Variants in PCDHGA8 observed in about 807,000 individuals in gnomAD.
PCDHGA8 encodes protocadherin gamma-A8.
In PCDHGA8, 45 loss-of-function variants were observed where a neutral mutation model predicts 59.2. The observed-to-expected ratio is 0.76, with a 90% CI of 0.60 to 0.98. PCDHGA8 has a LOEUF of 0.98. Ranked by LOEUF, PCDHGA8 falls within the 50% of genes least tolerant of loss-of-function variation. PCDHGA8 has a pLI of 0.00. For synonymous variants in PCDHGA8, 531 were observed against 519.0 expected (o/e 1.02, Z -0.32); for missense variants, 1,257 against 1,196.2 (o/e 1.05, Z -0.75).
chr5:141,457,417 CTTTT>C (rs894846890), intron 1 of PCDHGA8, among the ~76,000 whole-genome samples: 4 of 152,180 alleles, frequency 2.6e-5, no homozygotes, highest in Admixed American at 2.6e-4. Context: ...TTACCCATCC[CTTTT>C]TCCCCCCCAC....
chr5:141,498,725 A>AGT (rs2099785409), intron 2 of PCDHGA8, among the ~76,000 whole-genome samples: 1 of 152,150 alleles, frequency 6.6e-6, no homozygotes, highest in Non-Finnish European at 1.5e-5. Flanking sequence ...TGAGGTCAGG[A>AGT]GTTTGAGACC....
intron 1 of PCDHGA8, chr5:141,404,730 C>G: frequency 6.2e-7 from 1 of 1,613,984 alleles, no homozygotes; most frequent in East Asian, 2.2e-5. Context: ...AAGGTGGTGG[C>G]AGTGGACAGA....
intron 1 of PCDHGA8, chr5:141,400,300 C>T: frequency 6.2e-7 from 1 of 1,614,084 alleles, no homozygotes; most frequent in Non-Finnish European, 8.5e-7. Context: ...CTGCTTCCAA[C>T]CTGGTCTCTG....
At chr5:141,469,374 A>G (rs1270202528) in intron 1 of PCDHGA8, among the ~76,000 whole-genome samples, 1 of 152,076 alleles carries the variant, frequency 6.6e-6, no homozygotes, top group Non-Finnish European at 1.5e-5. Flanking sequence ...AAAGAGATCG[A>G]GACCATCCTG....
At chr5:141,405,093 T>C in intron 1 of PCDHGA8, 1 of 1,613,946 alleles carries the variant, frequency 6.2e-7, no homozygotes, top group Non-Finnish European at 8.5e-7. Flanking sequence ...CTGCTGGCCC[T>C]CAGGCTGAGG....
chr5:141,440,035 C>T, intron 1 of PCDHGA8: 1 of 153,140 alleles, frequency 6.5e-6, no homozygotes, highest in East Asian at 1.9e-4. Flanking sequence ...GTGTCGAGGA[C>T]ATGCCCACTT....
At position 141,418,594 on chromosome 5, in the gene PCDHGA8, C is replaced by G. The variant is rs775489120; in HGVS notation, c.2424+23357C>G. 2.9e-5 allele frequency: 47 copies of G among 1,613,904 alleles called. No individual in the cohort carries two copies. In the South Asian group the frequency reaches 4.6e-4, roughly 16 times the overall value. On this transcript the variant is annotated intron_variant, in intron 1 of 3. Transcript: ENST00000398604. ...ACAACCCCCCAGTGTTCAGCCAGGA[C>G]GTGTACAGGGTTAGCCTTCGGGAAG...
intron 1 of PCDHGA8, chr5:141,408,464 A>C (rs764186219): frequency 6.2e-7 from 1 of 1,613,934 alleles, no homozygotes; most frequent in South Asian, 1.1e-5. Context: ...ACTTGTGAAG[A>C]ACCGAATAGA....
intron 1 of PCDHGA8, among the ~76,000 whole-genome samples, chr5:141,455,130 A>G (rs1446894125): frequency 6.6e-6 from 1 of 150,872 alleles, no homozygotes; most frequent in South Asian, 2.1e-4. Flanking sequence ...GTTTTAAATT[A>G]CACTGTGTTA....
chr5:141,510,613 C>T (rs559713771), intron 3 of PCDHGA8, among the ~76,000 whole-genome samples: 17 of 152,298 alleles, frequency 1.1e-4, no homozygotes, highest in Admixed American at 2.0e-4. Context: ...TTAGCATTCA[C>T]TAAAACCAGA....
At chr5:141,419,436 G>T (rs756968644) in intron 1 of PCDHGA8, 1 of 1,613,144 alleles carries the variant, frequency 6.2e-7, no homozygotes, top group East Asian at 2.2e-5. Context: ...GAGCAGCTGC[G>T]CACCTTCGAG....
intron 1 of PCDHGA8, among the ~76,000 whole-genome samples, chr5:141,438,587 CATACATATATATATATATATATATATAT>C (rs1267620600): frequency 1.4e-5 from 1 of 73,428 alleles, no homozygotes; most frequent in Non-Finnish European, 2.6e-5. Context: ...TACATACATA[CATACATATATATATATATATATATATAT>C]ATATATATAT....
Position 141,431,732 on chromosome 5 carries a change from G to C in PCDHGA8, c.2424+36495G>C. 1 of 1,614,238 alleles carries C rather than the reference G, an allele frequency of 6.2e-7. No individual in the cohort carries two copies. Among genetic ancestry groups the C allele is most frequent in the Non-Finnish European group, 8.5e-7 (1 of 1,180,046 alleles). On this transcript the variant is annotated intron_variant, in intron 1 of 3. Coordinates refer to ENST00000398604, the MANE Select transcript of PCDHGA8 (RefSeq NM_032088.2). The surrounding 1 kb of genome is among the most constrained non-coding windows in gnomAD (Gnocchi z 4.8). ...GATGGAAGTGCAAGCAATGGATAAT[G>C]CAGGATATTCTGCGCGAGCCAAAGT...
chr5:141,505,602 A>G lies in PCDHGA8; in HGVS notation c.2572+121A>G, dbSNP rs1041288927. 4.6e-5 allele frequency: 71 copies of G among 1,534,990 alleles called. 1 individual carries two copies. In the Admixed American group the frequency reaches 1.4e-3, roughly 30 times the overall value. On this transcript the variant is annotated intron_variant, in intron 3 of 3. Coordinates refer to ENST00000398604, the MANE Select transcript of PCDHGA8 (RefSeq NM_032088.2). ...GTGTAGTTTCTCCAGATCTTTCGGC[A>G]GGTCTGAAAGGACCCACAATTCCAA...
At chr5:141,427,570 C>G (rs1487817661) in intron 1 of PCDHGA8, 8 of 662,270 alleles carry the variant, frequency 1.2e-5, no homozygotes, top group Non-Finnish European at 2.2e-5. Flanking sequence ...GGCAAGCCTC[C>G]GCTCTCATCC....
intron 1 of PCDHGA8, chr5:141,478,520 G>C (rs1474701976): frequency 1.2e-6 from 2 of 1,610,510 alleles, no homozygotes; most frequent in East Asian, 4.5e-5. Context: ...GCAGGTGTTG[G>C]GTGCAGAGAG....
chr5:141,420,118 T>C (rs2096468123), intron 1 of PCDHGA8: 2 of 1,613,844 alleles, frequency 1.2e-6, no homozygotes, highest in Admixed American at 1.7e-5. Flanking sequence ...ATGCCTATAA[T>C]TTTTGTGTGC....
chr5:141,402,918 A>C (rs766546022), intron 1 of PCDHGA8: 55 of 1,569,938 alleles, frequency 3.5e-5, no homozygotes, highest in Non-Finnish European at 4.7e-5. Flanking sequence ...GCGCGCACAG[A>C]GATCCTTTTG....
chr5:141,446,775 T>C (rs1175892018), intron 1 of PCDHGA8, among the ~76,000 whole-genome samples: 2 of 152,188 alleles, frequency 1.3e-5, no homozygotes, highest in Admixed American at 6.5e-5. Context: ...CCGGTTACCA[T>C]TCTTTTACTC....
Sources: gnomAD v4.1 joint callset for allele counts (sites outside exome capture counted in the v4.1 genomes callset) on GRCh38, gnomAD v4.1.1 for gene constraint, Gnocchi (gnomAD v3.1) non-coding constraint, MANE v1.5 for transcripts, NCBI Gene and HGNC (gene_info 2026-07-23, HGNC 2026-07-21) for gene names.